The following MAPKAP1 variants were observed in gnomAD, a reference collection of about 807,000 sequenced individuals.
MAPKAP1 encodes MAPK associated protein 1.
In MAPKAP1, 20 loss-of-function variants were observed where a neutral mutation model predicts 65.7. That is an observed-to-expected ratio of 0.30 (90% CI 0.21 to 0.44). MAPKAP1 has a LOEUF of 0.44. Ranked by LOEUF, MAPKAP1 falls within the 20% of genes least tolerant of loss-of-function variation. The probability of loss-of-function intolerance (pLI) is 1.00; values close to 1 mark genes in which losing one functional copy is unlikely to be tolerated. For synonymous variants in MAPKAP1, 222 were observed against 244.3 expected (o/e 0.91, Z 0.85); for missense variants, 423 against 648.0 (o/e 0.65, Z 3.77).
At chr9:125,523,209 C>T in intron 7 of MAPKAP1, among the ~76,000 whole-genome samples, 1 of 152,190 alleles carries the variant, frequency 6.6e-6, no homozygotes, top group East Asian at 1.9e-4. Context: ...AGAACCCTGC[C>T]CTCAGGCCTG....
intron 3 of MAPKAP1, 26 bp from the exon 4 acceptor site, chr9:125,657,825 T>C: frequency 1.2e-6 from 2 of 1,608,516 alleles, no homozygotes. Context: ...AAGAAAAACA[T>C]CTTTGTGATT....
chr9:125,521,725 C>A (rs754012334), intron 7 of MAPKAP1: 2 of 1,612,632 alleles, frequency 1.2e-6, no homozygotes, highest in South Asian at 2.2e-5. Context: ...CTTAACACAG[C>A]CTTGACAGCC....
At chr9:125,507,439 C>T (rs1037362732) in intron 7 of MAPKAP1, among the ~76,000 whole-genome samples, 2 of 152,152 alleles carry the variant, frequency 1.3e-5, no homozygotes, top group African/African-American at 2.4e-5. Flanking sequence ...GGCTCCCAGG[C>T]GGAACACGTA....
chr9:125,489,214 G>C (rs1220843038), intron 8 of MAPKAP1, among the ~76,000 whole-genome samples: 1 of 152,172 alleles, frequency 6.6e-6, no homozygotes, highest in Non-Finnish European at 1.5e-5. Flanking sequence ...TAATTTAACT[G>C]AAATATAACC....
At position 125,631,376 on chromosome 9, in the gene MAPKAP1, T is replaced by C. The variant is rs148479738; in HGVS notation, c.498+26275A>G. On this transcript the variant is annotated intron_variant, in intron 4 of 11. Coordinates refer to ENST00000265960, the MANE Select transcript of MAPKAP1 (RefSeq NM_001006617.3). ...TGCTCTGTCCAGCCTGGCAGAGCCA[T>C]GCAGAGCATCTTCTACCCAAGAACC... 4.3e-3 allele frequency among the ~76,000 whole-genome samples: 654 copies of C among 152,340 alleles called. 4 individuals carry two copies. Among genetic ancestry groups the C allele is most frequent in the African/African-American group, 0.015 (612 of 41,572 alleles).
intron 4 of MAPKAP1, among the ~76,000 whole-genome samples, chr9:125,640,265 G>A (rs544204192): frequency 2.0e-4 from 30 of 152,044 alleles, no homozygotes; most frequent in African/African-American, 6.7e-4. Context: ...CACCACGCCC[G>A]GCTAATTTTT....
intron 1 of MAPKAP1, among the ~76,000 whole-genome samples, chr9:125,699,004 T>C (rs76517296): frequency 6.6e-6 from 1 of 152,148 alleles, no homozygotes; most frequent in Non-Finnish European, 1.5e-5. Context: ...GAATGTCTTA[T>C]GCCCTGAATG....
At chr9:125,460,864 G>A (rs1853469012) in intron 10 of MAPKAP1, among the ~76,000 whole-genome samples, 1 of 152,186 alleles carries the variant, frequency 6.6e-6, no homozygotes, top group Non-Finnish European at 1.5e-5. Context: ...AAATCTCATT[G>A]TGCCTAGGCA....
chr9:125,623,006 C>G (rs1589353411), intron 4 of MAPKAP1, among the ~76,000 whole-genome samples: 1 of 151,948 alleles, frequency 6.6e-6, no homozygotes, highest in South Asian at 2.1e-4. Flanking sequence ...CTGTGTTGGC[C>G]GGGCCGGTCT....
intron 4 of MAPKAP1, among the ~76,000 whole-genome samples, chr9:125,589,037 A>G (rs910702261): frequency 6.6e-6 from 1 of 152,136 alleles, no homozygotes; most frequent in Non-Finnish European, 1.5e-5. Context: ...ATGGCTTTGC[A>G]TGCGTGACTC....
chr9:125,641,636 C>G (rs967490371), intron 4 of MAPKAP1, among the ~76,000 whole-genome samples: 2 of 152,110 alleles, frequency 1.3e-5, no homozygotes, highest in African/African-American at 4.8e-5. Context: ...GCAGGTGCAG[C>G]AGCTCACACC....
rs1452172345 is a variant in MAPKAP1 at position 125,437,758 on chromosome 9, G to T, written c.*1129C>A. The stretch of plus-strand genomic sequence containing the variant: ...GGTCCTCAGTGAAACACCGGTCCCC[G>T]GCCCTGGCTGGGGACAGTAAGGACA... On this transcript the variant is annotated 3_prime_UTR_variant, in exon 12 of 12. Transcript: ENST00000265960. 3 of 152,238 alleles carry T rather than the reference G, an allele frequency of 2.0e-5. No homozygotes were observed. The highest frequency in any genetic ancestry group is 2.0e-4 in the Admixed American group (3 of 15,280). The allele number at this position is 152,238 out of a possible 1,614,324, so 9.4% of individuals were successfully genotyped here.
intron 9 of MAPKAP1, among the ~76,000 whole-genome samples, chr9:125,475,265 A>G (rs1165803437): frequency 6.6e-6 from 1 of 152,208 alleles, no homozygotes; most frequent in African/African-American, 2.4e-5. Context: ...AGTACTGCAT[A>G]TTCACACTGA....
intron 10 of MAPKAP1, among the ~76,000 whole-genome samples, chr9:125,464,097 C>A (rs919422891): frequency 6.7e-6 from 1 of 149,366 alleles, no homozygotes; most frequent in Non-Finnish European, 1.5e-5. Context: ...GACATGGTGG[C>A]GCATGCCTGT....
At chr9:125,638,182 T>C (rs1470168176) in intron 4 of MAPKAP1, among the ~76,000 whole-genome samples, 1 of 152,150 alleles carries the variant, frequency 6.6e-6, no homozygotes, top group African/African-American at 2.4e-5. Context: ...TTTTGCTACC[T>C]TGGAAGGGCA....
chr9:125,693,546 TAC>T (rs1554844484), intron 1 of MAPKAP1, among the ~76,000 whole-genome samples: 3 of 147,098 alleles, frequency 2.0e-5, no homozygotes, highest in African/African-American at 5.1e-5. Context: ...CACACATATA[TAC>T]ATATACACAC....
intron 1 of MAPKAP1, among the ~76,000 whole-genome samples, chr9:125,694,402 C>A (rs1026470564): frequency 4.6e-5 from 7 of 151,884 alleles, no homozygotes; most frequent in Non-Finnish European, 8.8e-5. Flanking sequence ...GGAAAAAGGA[C>A]TTAAGCACAC....
At chr9:125,553,736 T>C (rs926575323) in intron 6 of MAPKAP1, among the ~76,000 whole-genome samples, 1 of 152,142 alleles carries the variant, frequency 6.6e-6, no homozygotes, top group African/African-American at 2.4e-5. Flanking sequence ...ATCTGGCCCT[T>C]TGCAGAAAAA....
chr9:125,547,257 G>A lies in MAPKAP1; in HGVS notation c.849-4089C>T, dbSNP rs1407389526. 5.3e-5 allele frequency among the ~76,000 whole-genome samples: 8 copies of A among 152,262 alleles called. No individual in the cohort carries two copies. The South Asian group carries it at 1.7e-3, about 32-fold the overall frequency. On this transcript the variant is annotated intron_variant, in intron 6 of 11. Transcript: ENST00000265960. ...GGCAATGGGAGCCACGGAGCCCACA[G>A]GGACACAGGTCTTCATCTGAAAAGC... is the stretch of plus-strand genomic sequence containing the variant.
Sources: allele counts gnomAD v4.1 joint callset (sites outside exome capture counted in the v4.1 genomes callset), GRCh38; gene constraint gnomAD v4.1.1; transcripts MANE v1.5; gene names NCBI Gene and HGNC (gene_info 2026-07-23, HGNC 2026-07-21).